PARD3B: variants seen among roughly 807,000 people sequenced by gnomAD.
PARD3B encodes the protein par-3 family cell polarity regulator beta.
Under a neutral mutation model 130.2 loss-of-function variants are expected in PARD3B, and 103 were observed. The observed-to-expected ratio is 0.79, with a 90% CI of 0.67 to 0.93. The LOEUF (loss-of-function observed/expected upper bound fraction) is 0.93. Ranked by LOEUF, PARD3B falls within the 40% of genes least tolerant of loss-of-function variation. PARD3B has a pLI of 0.00. For synonymous variants in PARD3B, 583 were observed against 553.2 expected (o/e 1.05, Z -0.76); for missense variants, 1,609 against 1,499.2 (o/e 1.07, Z -1.21).
chr2:204,783,441 C>G (rs2041908810), intron 2 of PARD3B, among the ~76,000 whole-genome samples: 1 of 152,042 alleles, frequency 6.6e-6, no homozygotes. Context: ...ACCCATATTA[C>G]TTCATTTAAC....
chr2:204,883,809 G>A (rs926893572), intron 2 of PARD3B, among the ~76,000 whole-genome samples: 2 of 148,438 alleles, frequency 1.3e-5, no homozygotes, highest in Admixed American at 6.8e-5. Context: ...GTGCAAGCTC[G>A]GCTCACTGCA....
intron 2 of PARD3B, among the ~76,000 whole-genome samples, chr2:204,918,629 C>CAAA (rs549430207): frequency 9.9e-6 from 1 of 101,196 alleles, no homozygotes; most frequent in Non-Finnish European, 1.9e-5. Context: ...GACTCCGTCT[C>CAAA]AAAAAAAAAA....
intron 3 of PARD3B, among the ~76,000 whole-genome samples, chr2:205,034,197 G>C (rs141160084): frequency 6.6e-6 from 1 of 152,080 alleles, no homozygotes; most frequent in Non-Finnish European, 1.5e-5. Flanking sequence ...CTTTGCGCCT[G>C]TAGCTTTGTT....
At chr2:204,880,383 C>T (rs1296584139) in intron 2 of PARD3B, among the ~76,000 whole-genome samples, 2 of 151,970 alleles carry the variant, frequency 1.3e-5, no homozygotes, top group Non-Finnish European at 2.9e-5. Context: ...GCAGAGTGGT[C>T]GAGCGCGGTG....
At position 205,288,585 on chromosome 2, in the gene PARD3B, G is replaced by T. The variant is rs1433697233; in HGVS notation, c.2186-11945G>T. Among the ~76,000 whole-genome samples the T allele has an allele frequency of 6.6e-6, 1 of 152,136 alleles. No individual in the cohort carries two copies. The highest frequency in any genetic ancestry group is 1.5e-5 in the Non-Finnish European group (1 of 68,026). Reference sequence around the variant, plus strand: ...AATTTGGGCCTTGCCTTCTTAGCCAGATTTCAAAGCCCTTCATGCCTTTAC... The same window carrying T: ...AATTTGGGCCTTGCCTTCTTAGCCATATTTCAAAGCCCTTCATGCCTTTAC... On this transcript the variant is annotated intron_variant, in intron 16 of 22. Transcript: ENST00000406610. This position sits in a 1 kb window ranked among gnomAD's most constrained non-coding sequence, Gnocchi z 4.0.
chr2:205,217,906 A>T (rs7588066), intron 15 of PARD3B, among the ~76,000 whole-genome samples: 45,192 of 70,582 alleles, frequency 0.64, 14,974 homozygotes, highest in Middle Eastern at 0.72. Context: ...TTTTTTTTTT[A>T]TTTTTTTGAG....
At chr2:205,354,487 A>T (rs79137601) in intron 18 of PARD3B, among the ~76,000 whole-genome samples, 91,258 of 151,326 alleles carry the variant, frequency 0.6, 30,700 homozygotes, top group South Asian at 0.77. Context: ...GTAAAAAATT[A>T]AAAAAAATCT....
At chr2:205,386,652 G>GT (rs201495541) in intron 18 of PARD3B, among the ~76,000 whole-genome samples, 12 of 27,150 alleles carry the variant, frequency 4.4e-4, no homozygotes, top group Non-Finnish European at 6.7e-4. Context: ...ATTAAGTAGA[G>GT]TTTTTTTTTT....
At chr2:205,108,032 C>T (rs573039960) in intron 5 of PARD3B, among the ~76,000 whole-genome samples, 33 of 152,286 alleles carry the variant, frequency 2.2e-4, no homozygotes, top group African/African-American at 6.0e-4. Context: ...AAAACGCCAG[C>T]GCATTTTAGC....
At chr2:205,135,024 C>T (rs1372359801) in intron 10 of PARD3B, among the ~76,000 whole-genome samples, 1 of 151,800 alleles carries the variant, frequency 6.6e-6, no homozygotes, top group Non-Finnish European at 1.5e-5. Flanking sequence ...GAGATTTGGC[C>T]TCATTTTCAT....
chr2:204,665,010 G>T (rs2035963230), intron 1 of PARD3B, among the ~76,000 whole-genome samples: 1 of 151,948 alleles, frequency 6.6e-6, no homozygotes, highest in Non-Finnish European at 1.5e-5. Context: ...TAGAGAAAAT[G>T]TTTGTACTGA....
intron 3 of PARD3B, among the ~76,000 whole-genome samples, chr2:205,033,955 T>C (rs1244298976): frequency 6.6e-6 from 1 of 152,222 alleles, no homozygotes; most frequent in Admixed American, 6.6e-5. Flanking sequence ...GTGTCACTTT[T>C]ATGCTCATTT....
chr2:204,632,380 C>T lies in PARD3B; in HGVS notation c.121-53801C>T, dbSNP rs555666573. ...ACAGACTAATACAGGGGCACTCTGGCTTTTTGAGTTTTCAGTGTTCTTGCG... is the reference window on the plus strand; with the variant it reads ...ACAGACTAATACAGGGGCACTCTGGTTTTTTGAGTTTTCAGTGTTCTTGCG... On this transcript the variant is annotated intron_variant, in intron 1 of 22. Transcript: ENST00000406610. Among the ~76,000 whole-genome samples the T allele has an allele frequency of 8.5e-5, 13 of 152,282 alleles. 1 individual carries two copies. The South Asian group carries it at 2.7e-3, about 32-fold the overall frequency.
intron 2 of PARD3B, among the ~76,000 whole-genome samples, chr2:204,885,296 A>G (rs1405703483): frequency 2.6e-5 from 4 of 152,044 alleles, no homozygotes; most frequent in Non-Finnish European, 4.4e-5. Flanking sequence ...GTGTCTATTC[A>G]TGTCCTTTGC....
At chr2:205,512,715 G>T (rs2050633010) in intron 21 of PARD3B, among the ~76,000 whole-genome samples, 1 of 152,118 alleles carries the variant, frequency 6.6e-6, no homozygotes, top group South Asian at 2.1e-4. Context: ...TTAAGCCTGT[G>T]TGTGTGCATA....
chr2:204,916,119 A>G (rs1443358637), intron 2 of PARD3B, among the ~76,000 whole-genome samples: 1 of 152,230 alleles, frequency 6.6e-6, no homozygotes, highest in East Asian at 1.9e-4. Flanking sequence ...CTGTTAGAAT[A>G]ACTGTTGACA....
intron 20 of PARD3B, among the ~76,000 whole-genome samples, chr2:205,497,495 TC>T (rs1360469185): frequency 6.8e-6 from 1 of 148,006 alleles, no homozygotes; most frequent in Admixed American, 7.0e-5. Context: ...ATAGATGACC[TC>T]TTTCTGTTGC....
intron 4 of PARD3B, among the ~76,000 whole-genome samples, chr2:205,053,757 G>A (rs114492026): frequency 0.011 from 1,676 of 152,182 alleles, 23 homozygotes; most frequent in African/African-American, 0.036. Context: ...AATGTTGTGG[G>A]TACTGATGTG....
chr2:204,944,871 G>A (rs921835557), intron 2 of PARD3B, among the ~76,000 whole-genome samples: 7 of 152,100 alleles, frequency 4.6e-5, no homozygotes, highest in Admixed American at 2.0e-4. Flanking sequence ...CAGGGCCTAC[G>A]TTAGAGTAAC....
Sources: gnomAD v4.1 joint callset for allele counts (sites outside exome capture counted in the v4.1 genomes callset) on GRCh38, gnomAD v4.1.1 for gene constraint, Gnocchi (gnomAD v3.1) non-coding constraint, MANE v1.5 for transcripts, NCBI Gene and HGNC (gene_info 2026-07-23, HGNC 2026-07-21) for gene names.